The following GRM8 variants were observed in gnomAD, a reference collection of about 807,000 sequenced individuals.
GRM8 encodes metabotropic glutamate receptor 8.
In GRM8, 47 loss-of-function variants were observed where a neutral mutation model predicts 87.2. The ratio of observed to expected loss-of-function variants is 0.54; its 90% CI spans 0.43 to 0.69. The LOEUF is 0.69. Among genes scored for constraint, GRM8 ranks in the 30% least tolerant of loss-of-function variants. The probability of loss-of-function intolerance (pLI) is 0.00; values close to 1 mark genes in which losing one functional copy is unlikely to be tolerated. For synonymous variants in GRM8, 396 were observed against 404.5 expected (o/e 0.98, Z 0.25); for missense variants, 1,019 against 1,139.2 (o/e 0.89, Z 1.52).
chr7:127,169,468 T>A (rs935112711), intron 2 of GRM8, among the ~76,000 whole-genome samples: 1 of 152,120 alleles, frequency 6.6e-6, no homozygotes, highest in African/African-American at 2.4e-5. Context: ...AACATAAAAG[T>A]GCAAGGGGAA....
chr7:126,901,448 TG>T (rs1419715226), intron 6 of GRM8, among the ~76,000 whole-genome samples: 1 of 152,234 alleles, frequency 6.6e-6, no homozygotes, highest in African/African-American at 2.4e-5. Flanking sequence ...TGTAAGCCCG[TG>T]AGCATGAATA....
intron 3 of GRM8, among the ~76,000 whole-genome samples, chr7:127,063,615 G>T (rs926055214): frequency 2.0e-5 from 3 of 151,958 alleles, no homozygotes; most frequent in Non-Finnish European, 4.4e-5. Context: ...ATAAACTCAT[G>T]GTTTCTCATG....
chr7:126,954,339 T>A (rs1808465121), intron 3 of GRM8, among the ~76,000 whole-genome samples: 1 of 152,076 alleles, frequency 6.6e-6, no homozygotes, highest in Non-Finnish European at 1.5e-5. Flanking sequence ...TTCCCCTGAA[T>A]CCTAAGACAG....
intron 6 of GRM8, among the ~76,000 whole-genome samples, chr7:126,891,690 C>T (rs1801023684): frequency 6.6e-6 from 1 of 152,044 alleles, no homozygotes; most frequent in African/African-American, 2.4e-5. Flanking sequence ...CACCAATCTT[C>T]TCCCCTAGGC....
chr7:126,530,417 C>G (rs1030824223), intron 9 of GRM8, among the ~76,000 whole-genome samples: 1 of 152,216 alleles, frequency 6.6e-6, no homozygotes, highest in Non-Finnish European at 1.5e-5. Flanking sequence ...GAGCCTGATC[C>G]TTTTCTGACT....
chr7:126,745,460 G>C (rs1815549620), intron 7 of GRM8, among the ~76,000 whole-genome samples: 1 of 146,248 alleles, frequency 6.8e-6, no homozygotes, highest in South Asian at 2.2e-4. Context: ...GTCTGCATCT[G>C]TGTGTATATG....
intron 2 of GRM8, among the ~76,000 whole-genome samples, chr7:127,206,172 G>A (rs915196836): frequency 6.6e-6 from 1 of 152,228 alleles, no homozygotes; most frequent in African/African-American, 2.4e-5. Flanking sequence ...CCTACAGAGA[G>A]GATGATCAGC....
chr7:126,832,737 A>G (rs1407525444), intron 6 of GRM8, among the ~76,000 whole-genome samples: 1 of 152,322 alleles, frequency 6.6e-6, no homozygotes, highest in Middle Eastern at 3.4e-3. Context: ...CACTTTTGGT[A>G]CTTTTATTTT....
chr7:126,757,337 G>A (rs1252837258), intron 7 of GRM8, among the ~76,000 whole-genome samples: 1 of 152,040 alleles, frequency 6.6e-6, no homozygotes, highest in African/African-American at 2.4e-5. Context: ...TGCCAGCTGA[G>A]GATTTGGGGG....
chr7:127,002,148 C>T (rs1215041368), intron 3 of GRM8, among the ~76,000 whole-genome samples: 1 of 151,524 alleles, frequency 6.6e-6, no homozygotes, highest in Non-Finnish European at 1.5e-5. Flanking sequence ...TTTGTCAAAA[C>T]TCATCAAACT....
At chr7:126,609,231 G>C (rs1189776374) in intron 8 of GRM8, 131 bp downstream of exon 8, 2 of 588,162 alleles carry the variant, frequency 3.4e-6, no homozygotes, top group African/African-American at 3.8e-5. Flanking sequence ...ATTGAAGAGA[G>C]AATCAAGTCA....
At chr7:127,066,990 CT>C (rs1187326799) in intron 3 of GRM8, among the ~76,000 whole-genome samples, 1 of 152,186 alleles carries the variant, frequency 6.6e-6, no homozygotes, top group East Asian at 1.9e-4. Flanking sequence ...CTAAAACTGC[CT>C]AGCTATTAAG....
chr7:126,994,904 G>A (rs370891559), intron 3 of GRM8, among the ~76,000 whole-genome samples: 1 of 152,100 alleles, frequency 6.6e-6, no homozygotes, highest in African/African-American at 2.4e-5. Flanking sequence ...AATATAGGTC[G>A]TAGTCAGGTA....
At chr7:126,659,258 T>C (rs1480719188) in intron 7 of GRM8, among the ~76,000 whole-genome samples, 1 of 152,080 alleles carries the variant, frequency 6.6e-6, no homozygotes, top group African/African-American at 2.4e-5. Flanking sequence ...AATTGTGAAA[T>C]AGAAAATCAA....
intron 7 of GRM8, among the ~76,000 whole-genome samples, chr7:126,683,364 C>A (rs1197540980): frequency 6.6e-6 from 1 of 152,192 alleles, no homozygotes; most frequent in Non-Finnish European, 1.5e-5. Context: ...CTAACTCATT[C>A]CCAATGAAGC....
chr7:127,176,400 T>C (rs956961451), intron 2 of GRM8, among the ~76,000 whole-genome samples: 3 of 152,136 alleles, frequency 2.0e-5, no homozygotes, highest in Non-Finnish European at 4.4e-5. Flanking sequence ...TCAGAGTAGA[T>C]TGAAAAAACA....
chr7:126,770,047 C>T lies in GRM8; in HGVS notation c.1175G>A (p.Arg392Gln), dbSNP rs2234947. 5.6e-5 allele frequency: 91 copies of T among 1,611,622 alleles called. No homozygotes were observed. The East Asian group carries it at 1.1e-3, about 20-fold the overall frequency. Reference protein sequence around the residue: ...KKCTGLERIARDSSYEQEGKV... With the variant: ...KKCTGLERIAQDSSYEQEGKV... ...TCCTTCCTGTTCATAAGATGAATCC[C>T]GAGCAATTCGCTCCAGCCCTGCAAA... The change falls in exon 7 of 11, where the codon CGG (arginine) becomes CAG (glutamine). Residue 392 changes from arginine (R) to glutamine (Q), a missense_variant. Coordinates refer to ENST00000339582, the MANE Select transcript of GRM8 (RefSeq NM_000845.3).
At chr7:126,819,208 A>G (rs1016479829) in intron 6 of GRM8, among the ~76,000 whole-genome samples, 1 of 151,788 alleles carries the variant, frequency 6.6e-6, no homozygotes, top group African/African-American at 2.4e-5. Context: ...GTTTCACCAT[A>G]GTTTATCATA....
intron 3 of GRM8, among the ~76,000 whole-genome samples, chr7:126,997,462 T>A (rs1277272343): frequency 7.1e-6 from 1 of 141,452 alleles, no homozygotes; most frequent in Non-Finnish European, 1.6e-5. Flanking sequence ...GAAATTGAAA[T>A]GAAGAAAACA....
Sources: allele counts gnomAD v4.1 joint callset (sites outside exome capture counted in the v4.1 genomes callset), GRCh38; gene constraint gnomAD v4.1.1; transcripts MANE v1.5; gene names NCBI Gene and HGNC (gene_info 2026-07-23, HGNC 2026-07-21).